The following REDIC1 variants were observed in gnomAD, a reference collection of about 807,000 sequenced individuals.
The protein encoded by REDIC1 is HEI10 Interacting Protein 1.
At chr12:39,632,490 T>C in the REDIC1 span, among the ~76,000 whole-genome samples, 1 of 152,156 alleles carries the variant, frequency 6.6e-6, no homozygotes, top group Non-Finnish European at 1.5e-5. Flanking sequence ...ACAAATAACA[T>C]TTTAAATGTG....
the REDIC1 span, among the ~76,000 whole-genome samples, chr12:39,772,616 A>T: frequency 9.9e-4 from 150 of 152,282 alleles, 3 homozygotes; most frequent in South Asian, 0.015. Context: ...GAAAAAAGAG[A>T]AGAAGAAAGA....
At chr12:39,712,214 A>G in the REDIC1 span, among the ~76,000 whole-genome samples, 2 of 13,656 alleles carry the variant, frequency 1.5e-4, no homozygotes, top group Non-Finnish European at 6.2e-4. Context: ...ACATATGTAT[A>G]TATACATGTA....
chr12:39,696,057 CT>C, the REDIC1 span, among the ~76,000 whole-genome samples: 1 of 152,172 alleles, frequency 6.6e-6, no homozygotes, highest in African/African-American at 2.4e-5. Flanking sequence ...TGGGGTGCCC[CT>C]ATAGCAGATA....
the REDIC1 span, among the ~76,000 whole-genome samples, chr12:39,819,282 C>T: frequency 8.5e-5 from 13 of 152,130 alleles, no homozygotes; most frequent in African/African-American, 1.9e-4. Context: ...ATATTTTTAT[C>T]GTTTGGAGAA....
the REDIC1 span, among the ~76,000 whole-genome samples, chr12:39,828,225 T>C: frequency 4.6e-5 from 7 of 152,200 alleles, no homozygotes; most frequent in East Asian, 1.9e-4. Flanking sequence ...AGGAGCACCG[T>C]TGCTCAGCAC....
the REDIC1 span, among the ~76,000 whole-genome samples, chr12:39,811,476 C>T: frequency 1.3e-5 from 2 of 152,180 alleles, no homozygotes; most frequent in Admixed American, 1.3e-4. Flanking sequence ...ATTGCTTTAG[C>T]TGTCCCCTGA....
the REDIC1 span, among the ~76,000 whole-genome samples, chr12:39,777,265 A>T: frequency 6.6e-6 from 1 of 152,232 alleles, no homozygotes; most frequent in Non-Finnish European, 1.5e-5. Flanking sequence ...GCAGGGAAAT[A>T]GTCAATTGAA....
chr12:39,751,229 C>A, the REDIC1 span, among the ~76,000 whole-genome samples: 1 of 150,720 alleles, frequency 6.6e-6, no homozygotes, highest in South Asian at 2.1e-4. Context: ...AAAAACAACT[C>A]CATCAAAAAG....
chr12:39,820,130 GA>G, the REDIC1 span, among the ~76,000 whole-genome samples: 21 of 151,242 alleles, frequency 1.4e-4, 1 homozygote, highest in South Asian at 2.5e-3. Flanking sequence ...ACAACAAAAA[GA>G]AAAAAAATGT....
the REDIC1 span, among the ~76,000 whole-genome samples, chr12:39,833,135 C>A: frequency 8.5e-5 from 13 of 152,108 alleles, no homozygotes; most frequent in African/African-American, 2.7e-4. Context: ...GTACCACTTA[C>A]TCTGTAAAAA....
chr12:39,727,615 G>A, the REDIC1 span, among the ~76,000 whole-genome samples: 1 of 141,576 alleles, frequency 7.1e-6, no homozygotes, highest in Non-Finnish European at 1.6e-5. Flanking sequence ...GCTCTTTTTT[G>A]GTTCCATATG....
At chr12:39,706,622 AG>A in the REDIC1 span, among the ~76,000 whole-genome samples, 1 of 152,090 alleles carries the variant, frequency 6.6e-6, no homozygotes, top group South Asian at 2.1e-4. Flanking sequence ...TGAGAACTAT[AG>A]TAACCAAAAC....
At chr12:39,714,484 A>G in the REDIC1 span, among the ~76,000 whole-genome samples, 2 of 151,236 alleles carry the variant, frequency 1.3e-5, no homozygotes, top group Admixed American at 6.6e-5. Flanking sequence ...TTGTTGCATG[A>G]TTTTGTAATT....
the REDIC1 span, among the ~76,000 whole-genome samples, chr12:39,720,088 G>T: frequency 1.8e-3 from 276 of 151,824 alleles, no homozygotes; most frequent in African/African-American, 6.1e-3. Flanking sequence ...TTTTCAAGAA[G>T]TTTGAAAAAT....
chr12:39,642,034 A>T, the REDIC1 span, among the ~76,000 whole-genome samples: 1 of 151,762 alleles, frequency 6.6e-6, no homozygotes, highest in African/African-American at 2.4e-5. Context: ...TTTTATTTCT[A>T]TCTCTCTGGT....
At chr12:39,702,433 C>G in the REDIC1 span, among the ~76,000 whole-genome samples, 2 of 152,128 alleles carry the variant, frequency 1.3e-5, no homozygotes, top group African/African-American at 4.8e-5. Context: ...GAAATTGTGG[C>G]AATAATCAAT....
chr12:39,810,485 A>G, the REDIC1 span, among the ~76,000 whole-genome samples: 2 of 152,146 alleles, frequency 1.3e-5, no homozygotes, highest in African/African-American at 2.4e-5. Context: ...TTCTTGCCTT[A>G]TTACACTGGC....
At chr12:39,867,402 G>A in the REDIC1 span, among the ~76,000 whole-genome samples, 5 of 152,010 alleles carry the variant, frequency 3.3e-5, no homozygotes, top group East Asian at 7.7e-4. Flanking sequence ...AATAAATATT[G>A]GTTGAATGGA....
the REDIC1 span, among the ~76,000 whole-genome samples, chr12:39,639,271 T>G: frequency 6.6e-6 from 1 of 151,984 alleles, no homozygotes; most frequent in Non-Finnish European, 1.5e-5. Context: ...ATATATAGGG[T>G]TCTTTGCTCA....
Sources: gnomAD v4.1 joint callset for allele counts (sites outside exome capture counted in the v4.1 genomes callset) on GRCh38, gnomAD v4.1.1 for gene constraint, MANE v1.5 for transcripts, NCBI Gene and HGNC (gene_info 2026-07-23, HGNC 2026-07-21) for gene names.